The following VEZT variants were observed in gnomAD, a reference collection of about 807,000 sequenced individuals.
VEZT encodes the protein vezatin, adherens junctions transmembrane protein.
A neutral mutation model predicts 79.9 loss-of-function variants in VEZT; 39 were observed. The ratio of observed to expected loss-of-function variants is 0.49; its 90% CI spans 0.38 to 0.64. VEZT has a LOEUF of 0.64. Among genes scored for constraint, VEZT ranks in the 30% least tolerant of loss-of-function variants. The pLI is 0.00. For synonymous variants in VEZT, 325 were observed against 327.6 expected (o/e 0.99, Z 0.09); for missense variants, 837 against 893.1 (o/e 0.94, Z 0.80).
At chr12:95,226,450 A>G (rs1593029433) in intron 1 of VEZT, among the ~76,000 whole-genome samples, 1 of 151,342 alleles carries the variant, frequency 6.6e-6, no homozygotes, top group East Asian at 1.9e-4. Flanking sequence ...AATGATCTTC[A>G]GATAGAAATC....
intron 1 of VEZT, among the ~76,000 whole-genome samples, chr12:95,244,409 A>G (rs1019521367): frequency 6.6e-6 from 1 of 152,148 alleles, no homozygotes; most frequent in Non-Finnish European, 1.5e-5. Context: ...TAACCCCAAT[A>G]TAATTATCTC....
chr12:95,287,809 G>A lies in VEZT; in HGVS notation c.1474G>A (p.Ala492Thr). ...VQASNNCWEE[A>T]ISQVDKLLRR... is the part of the protein sequence containing the mutation. Reference sequence around the variant, plus strand: ...AGCAAGCAACAATTGCTGGGAAGAGGCCATTTCTCAGGTCGACAAACTGCT... The same window carrying A: ...AGCAAGCAACAATTGCTGGGAAGAGACCATTTCTCAGGTCGACAAACTGCT... Residue 492 changes from alanine to threonine, a missense_variant, in exon 9 of 12, where the codon GCC becomes ACC. Physicochemically the swap from Ala to Thr is moderately conservative, Grantham distance 58. Coordinates refer to ENST00000436874, the MANE Select transcript of VEZT (RefSeq NM_017599.4). 1.9e-6 allele frequency: 3 copies of A among 1,607,576 alleles called. No individual in the cohort carries two copies. The highest frequency in any genetic ancestry group is 2.5e-6 in the Non-Finnish European group (3 of 1,176,818).
intron 9 of VEZT, among the ~76,000 whole-genome samples, chr12:95,289,347 G>A (rs1477905504): frequency 6.8e-6 from 1 of 147,318 alleles, no homozygotes; most frequent in Admixed American, 6.8e-5. Context: ...AACCCAGGAG[G>A]CGGAGCTTGC....
At chr12:95,275,115 T>C (rs1444342511) in intron 7 of VEZT, among the ~76,000 whole-genome samples, 2 of 152,210 alleles carry the variant, frequency 1.3e-5, no homozygotes, top group Non-Finnish European at 2.9e-5. Flanking sequence ...TTAAAATGCT[T>C]AAAGAAATGC....
Position 95,282,876 on chromosome 12 carries a change from A to G in VEZT, c.1328+232A>G, listed in dbSNP as rs570553497. On this transcript the variant is annotated intron_variant, in intron 8 of 11. Transcript: ENST00000436874. ...TTACTTTTCCTTAGTTCAACAGAAAACTTGGAAAAGTAGGCTAAAAGCAGG... is the reference window on the plus strand; with the variant it reads ...TTACTTTTCCTTAGTTCAACAGAAAGCTTGGAAAAGTAGGCTAAAAGCAGG... Among the ~76,000 whole-genome samples the G allele has an allele frequency of 2.3e-4, 35 of 152,286 alleles. No homozygotes were observed. In the South Asian group the frequency reaches 7.1e-3, roughly 31 times the overall value.
At chr12:95,248,742 A>G (rs1005935930) in intron 1 of VEZT, among the ~76,000 whole-genome samples, 1 of 151,096 alleles carries the variant, frequency 6.6e-6, no homozygotes, top group Admixed American at 6.6e-5. Context: ...AGTCCCAGCT[A>G]CTCACGAGGC....
At chr12:95,293,818 CT>C (rs2073538354) in intron 9 of VEZT, 1 of 154,990 alleles carries the variant, frequency 6.5e-6, no homozygotes, top group South Asian at 2.0e-4. Context: ...ACTTTAATAT[CT>C]TTATGTTTTT....
At chr12:95,274,026 A>T (rs945635756) in intron 6 of VEZT, among the ~76,000 whole-genome samples, 1 of 152,296 alleles carries the variant, frequency 6.6e-6, no homozygotes, top group African/African-American at 2.4e-5. Flanking sequence ...TGCCACTTAT[A>T]TCAGTCTGTG....
chr12:95,230,768 T>G (rs570876190), intron 1 of VEZT, among the ~76,000 whole-genome samples: 1 of 151,324 alleles, frequency 6.6e-6, no homozygotes, highest in South Asian at 2.1e-4. Flanking sequence ...CTCTCCTTGC[T>G]TCTGCTCTGC....
At chr12:95,266,211 T>C in intron 4 of VEZT, 146 bp from the exon 5 acceptor site, 6 of 912,760 alleles carry the variant, frequency 6.6e-6, no homozygotes, top group Non-Finnish European at 9.7e-6. Flanking sequence ...TTAAATGTCA[T>C]ATATTTTTAA....
intron 6 of VEZT, among the ~76,000 whole-genome samples, chr12:95,274,236 G>A (rs532889046): frequency 4.9e-4 from 74 of 152,194 alleles, no homozygotes; most frequent in African/African-American, 1.7e-3. Context: ...AGGCTGAGGC[G>A]GGCAGATCAC....
Position 95,251,944 on chromosome 12 carries a change from C to T in VEZT, c.41C>T (p.Ser14Phe), listed in dbSNP as rs550777059. 5.6e-6 allele frequency: 9 copies of T among 1,597,100 alleles called. No homozygotes were observed. In the African/African-American group the frequency reaches 8.1e-5, roughly 14 times the overall value. The change falls in exon 2 of 12, where the codon TCT (serine) becomes TTT (phenylalanine). Residue 14 changes from serine (S) to phenylalanine (F), a missense_variant. Ser to Phe is a radical substitution (Grantham distance 155, BLOSUM62 -2). Transcript: ENST00000436874. The stretch of plus-strand genomic sequence containing the variant: ...TTTATTTTGTGTCTTTTTCAGAATT[C>T]TCCACTTTACCAATACTTACAGGAT... ...EFDEEVVFENSPLYQYLQDLG... is the reference protein window; with the variant it reads ...EFDEEVVFENFPLYQYLQDLG...
chr12:95,297,331 C>T (rs916655406), intron 11 of VEZT, among the ~76,000 whole-genome samples: 2 of 152,094 alleles, frequency 1.3e-5, no homozygotes, highest in Non-Finnish European at 2.9e-5. Flanking sequence ...AAATCAACTG[C>T]CCTGCTTTTC....
intron 1 of VEZT, among the ~76,000 whole-genome samples, chr12:95,226,098 TAA>T (rs11309269): frequency 1.5e-3 from 206 of 137,484 alleles, no homozygotes; most frequent in Middle Eastern, 3.7e-3. Flanking sequence ...TGCCTTTATT[TAA>T]AAAAAAAAAA....
chr12:95,255,914 C>T (rs995505126), intron 2 of VEZT, among the ~76,000 whole-genome samples: 1 of 152,114 alleles, frequency 6.6e-6, no homozygotes, highest in African/African-American at 2.4e-5. Context: ...TCCTTTAAAA[C>T]CTATCTCAGT....
Position 95,251,967 on chromosome 12 carries a change from G to T in VEZT, c.64G>T (p.Asp22Tyr), listed in dbSNP as rs750130561. Residue 22 changes from aspartate to tyrosine, a missense_variant, in exon 2 of 12, where the codon GAT (aspartate) becomes TAT (tyrosine). Asp to Tyr is a radical substitution (Grantham distance 160). Coordinates refer to ENST00000436874, the MANE Select transcript of VEZT (RefSeq NM_017599.4). The stretch of plus-strand genomic sequence containing the variant: ...TTCTCCACTTTACCAATACTTACAG[G>T]ATCTGGGACACACAGACTTTGAAAT... ...ENSPLYQYLQ[D>Y]LGHTDFEICS... 3.1e-6 allele frequency: 5 copies of T among 1,610,290 alleles called. No individual in the cohort carries two copies. The highest frequency in any genetic ancestry group is 4.2e-6 in the Non-Finnish European group (5 of 1,178,372).
At chr12:95,235,579 C>G (rs1236164356) in intron 1 of VEZT, among the ~76,000 whole-genome samples, 4 of 143,420 alleles carry the variant, frequency 2.8e-5, no homozygotes, top group Admixed American at 6.8e-5. Flanking sequence ...GGGCGGCTGG[C>G]CGGGCAGAGG....
chr12:95,227,977 C>T (rs1209834674), intron 1 of VEZT, among the ~76,000 whole-genome samples: 1 of 152,176 alleles, frequency 6.6e-6, no homozygotes, highest in Non-Finnish European at 1.5e-5. Flanking sequence ...GCCTTGGTAA[C>T]CTTATCCTCT....
intron 3 of VEZT, among the ~76,000 whole-genome samples, chr12:95,259,990 G>T (rs574909362): frequency 4.0e-5 from 6 of 151,702 alleles, no homozygotes; most frequent in Admixed American, 2.0e-4. Flanking sequence ...TTTCCTCTAC[G>T]TGAGGCAATC....
Sources: gnomAD v4.1 joint callset for allele counts (sites outside exome capture counted in the v4.1 genomes callset) on GRCh38, gnomAD v4.1.1 for gene constraint, MANE v1.5 for transcripts, NCBI Gene and HGNC (gene_info 2026-07-23, HGNC 2026-07-21) for gene names.